Variants in SLC25A21 observed in about 807,000 individuals in gnomAD.
SLC25A21 encodes solute carrier family 25 member 21.
A neutral mutation model predicts 43.8 loss-of-function variants in SLC25A21; 47 were observed. The ratio of observed to expected loss-of-function variants is 1.07; its 90% CI spans 0.85 to 1.37. The LOEUF (loss-of-function observed/expected upper bound fraction) is 1.37, where lower values mean the gene tolerates loss of function less well. Ranked by LOEUF, SLC25A21 falls within the 40% of genes most tolerant of loss-of-function variation. SLC25A21 has a pLI of 0.00. For missense variants in SLC25A21, 352 were observed against 350.2 expected, an observed-to-expected ratio of 1.00 and a Z score of -0.04; for synonymous variants, 131 against 121.3, an observed-to-expected ratio of 1.08 and a Z score of -0.52.
chr14:36,747,640 GC>G (rs1566568152), intron 3 of SLC25A21, among the ~76,000 whole-genome samples: 1 of 152,182 alleles, frequency 6.6e-6, no homozygotes, highest in Non-Finnish European at 1.5e-5. Flanking sequence ...CACGTTTGAA[GC>G]CAAAGATGCC....
chr14:37,119,817 A>T (rs944971760), intron 1 of SLC25A21, among the ~76,000 whole-genome samples: 5 of 152,128 alleles, frequency 3.3e-5, no homozygotes, highest in Admixed American at 3.3e-4. Context: ...GCTCACAGAG[A>T]GGTAAATATG....
intron 1 of SLC25A21, among the ~76,000 whole-genome samples, chr14:37,062,450 G>A (rs938030505): frequency 7.9e-5 from 12 of 151,152 alleles, no homozygotes; most frequent in South Asian, 4.2e-4. Flanking sequence ...TCATATATTC[G>A]CAAAATAATT....
chr14:36,696,842 A>C (rs899091565), intron 7 of SLC25A21, among the ~76,000 whole-genome samples: 1 of 151,804 alleles, frequency 6.6e-6, no homozygotes, highest in Admixed American at 6.6e-5. Context: ...TATTTTGTTG[A>C]TCTTTTCAAA....
At chr14:37,096,135 A>G (rs1962688880) in intron 1 of SLC25A21, among the ~76,000 whole-genome samples, 1 of 152,210 alleles carries the variant, frequency 6.6e-6, no homozygotes, top group African/African-American at 2.4e-5. Context: ...AATGCTATAC[A>G]TGACTCTAGA....
intron 7 of SLC25A21, among the ~76,000 whole-genome samples, chr14:36,709,072 A>G (rs1253279795): frequency 6.6e-6 from 1 of 151,128 alleles, no homozygotes; most frequent in Non-Finnish European, 1.5e-5. Context: ...CAATGGCGCC[A>G]GCTCGGCTCA....
chr14:36,828,028 G>A (rs1381287463), intron 2 of SLC25A21, among the ~76,000 whole-genome samples: 2 of 152,012 alleles, frequency 1.3e-5, no homozygotes, highest in East Asian at 1.9e-4. Flanking sequence ...AAAGGATTTG[G>A]TGGCTAGGAC....
At chr14:37,027,104 T>C (rs1016538603) in intron 1 of SLC25A21, among the ~76,000 whole-genome samples, 21 of 152,194 alleles carry the variant, frequency 1.4e-4, no homozygotes, top group African/African-American at 5.1e-4. Context: ...AGCGTGTTTA[T>C]TGAATTACAA....
At chr14:36,734,703 A>G in intron 3 of SLC25A21, 130 bp from the exon 4 acceptor site, 2 of 664,638 alleles carry the variant, frequency 3.0e-6, no homozygotes, top group Non-Finnish European at 2.6e-6. Flanking sequence ...TCTTCCTTTC[A>G]TTCTAAAATA....
intron 1 of SLC25A21, among the ~76,000 whole-genome samples, chr14:37,168,893 G>A (rs1220369212): frequency 2.0e-5 from 3 of 152,188 alleles, no homozygotes; most frequent in Admixed American, 6.5e-5. Context: ...AGTCTTGGCA[G>A]AATGCCCTGT....
At chr14:36,775,938 G>C (rs1886803114) in intron 3 of SLC25A21, among the ~76,000 whole-genome samples, 1 of 152,194 alleles carries the variant, frequency 6.6e-6, no homozygotes, top group African/African-American at 2.4e-5. Flanking sequence ...CTGGACATTG[G>C]ATCACCTGGA....
At chr14:37,133,613 A>C (rs1963428630) in intron 1 of SLC25A21, among the ~76,000 whole-genome samples, 1 of 151,846 alleles carries the variant, frequency 6.6e-6, no homozygotes, top group South Asian at 2.1e-4. Context: ...CTTGTAAACA[A>C]ATACCTCATA....
At chr14:36,985,584 C>A (rs745771226) in intron 1 of SLC25A21, among the ~76,000 whole-genome samples, 1 of 152,046 alleles carries the variant, frequency 6.6e-6, no homozygotes, top group Non-Finnish European at 1.5e-5. Context: ...TATAGTCTTT[C>A]TTTACGATTA....
chr14:36,924,252 A>G (rs1009417365), intron 1 of SLC25A21, among the ~76,000 whole-genome samples: 1 of 152,212 alleles, frequency 6.6e-6, no homozygotes. Flanking sequence ...CACTATTCAC[A>G]ATAGCAAAGA....
chr14:36,758,451 A>C (rs991832150), intron 3 of SLC25A21, among the ~76,000 whole-genome samples: 4 of 152,020 alleles, frequency 2.6e-5, no homozygotes, highest in African/African-American at 9.7e-5. Flanking sequence ...TTATGTTTAT[A>C]ATTCAGATGT....
intron 1 of SLC25A21, among the ~76,000 whole-genome samples, chr14:37,156,112 T>C (rs915353702): frequency 1.4e-5 from 2 of 143,440 alleles, no homozygotes; most frequent in African/African-American, 5.3e-5. Context: ...TGAGCTGAGA[T>C]CGCACCACTG....
At position 37,020,958 on chromosome 14, in the gene SLC25A21, A is replaced by G. The variant is rs375895153; in HGVS notation, c.71-145954T>C. On this transcript the variant is annotated intron_variant, in intron 1 of 9. Coordinates refer to ENST00000331299, the MANE Select transcript of SLC25A21 (RefSeq NM_030631.4). Reference sequence around the variant, plus strand: ...CAGTGCAAATCTAAGGCAAATAATTAGATTTCCAATTTAAAGGTATACATT... The same window carrying G: ...CAGTGCAAATCTAAGGCAAATAATTGGATTTCCAATTTAAAGGTATACATT... Among the ~76,000 whole-genome samples, 243 of 152,126 alleles carry G rather than the reference A, an allele frequency of 1.6e-3. 8 individuals are homozygous for G. In the South Asian group the frequency reaches 0.049, roughly 31 times the overall value.
intron 3 of SLC25A21, among the ~76,000 whole-genome samples, chr14:36,792,643 A>G (rs1042771835): frequency 6.6e-6 from 1 of 152,204 alleles, no homozygotes; most frequent in African/African-American, 2.4e-5. Flanking sequence ...AATTGCACAC[A>G]TTAAGTGGAT....
chr14:36,968,680 C>T (rs1292652106), intron 1 of SLC25A21, among the ~76,000 whole-genome samples: 3 of 152,088 alleles, frequency 2.0e-5, no homozygotes, highest in African/African-American at 7.2e-5. Flanking sequence ...TGCAGCTCAG[C>T]GTTGGGTCCA....
intron 1 of SLC25A21, among the ~76,000 whole-genome samples, chr14:36,904,793 C>T (rs1216230409): frequency 5.3e-5 from 8 of 152,214 alleles, no homozygotes; most frequent in South Asian, 4.1e-4. Context: ...TGGGGGAAAT[C>T]GCCCCCATGA....
Sources: gnomAD v4.1 joint callset for allele counts (sites outside exome capture counted in the v4.1 genomes callset) on GRCh38, gnomAD v4.1.1 for gene constraint, MANE v1.5 for transcripts, NCBI Gene and HGNC (gene_info 2026-07-23, HGNC 2026-07-21) for gene names.